Variants in FAH observed in about 807,000 individuals in gnomAD.
FAH encodes the protein fumarylacetoacetate hydrolase.
A neutral mutation model predicts 55.8 loss-of-function variants in FAH; 47 were observed. The observed-to-expected ratio is 0.84, with a 90% CI of 0.67 to 1.07. The LOEUF is 1.07. Ranked by LOEUF, FAH falls within the 50% of genes least tolerant of loss-of-function variation. FAH has a pLI of 0.00. For synonymous variants in FAH, 199 were observed against 207.7 expected, an observed-to-expected ratio of 0.96 and a Z score of 0.36; for missense variants, 495 against 545.9, an observed-to-expected ratio of 0.91 and a Z score of 0.93.
chr15:80,155,714 A>G (rs944029667), intron 1 of FAH, among the ~76,000 whole-genome samples: 1 of 152,074 alleles, frequency 6.6e-6, no homozygotes, highest in African/African-American at 2.4e-5. Flanking sequence ...TGCACACAAG[A>G]CAAGGGGGGC....
chr15:80,170,072 G>T (rs2041227158), intron 7 of FAH, among the ~76,000 whole-genome samples: 1 of 152,198 alleles, frequency 6.6e-6, no homozygotes, highest in Admixed American at 6.5e-5. Flanking sequence ...AATCTGGGCA[G>T]CCCCCAAGGT....
At chr15:80,156,194 T>A (rs572100804) in intron 1 of FAH, 2 of 226,352 alleles carry the variant, frequency 8.8e-6, no homozygotes, top group Admixed American at 5.2e-5. Flanking sequence ...GCGGCCCTTA[T>A]GCGGGTGTGA....
chr15:80,165,053 GAC>G (rs1288270416), intron 5 of FAH, among the ~76,000 whole-genome samples: 3 of 152,106 alleles, frequency 2.0e-5, no homozygotes, highest in Admixed American at 1.3e-4. Context: ...GGTAATACAA[GAC>G]AATTACACAG....
intron 2 of FAH, among the ~76,000 whole-genome samples, chr15:80,158,739 C>T (rs1025299624): frequency 6.6e-6 from 1 of 152,140 alleles, no homozygotes; most frequent in African/African-American, 2.4e-5. Flanking sequence ...CACATCCTCT[C>T]CTTCAATCCT....
At chr15:80,166,634 T>TA (rs2041194040) in intron 5 of FAH, among the ~76,000 whole-genome samples, 1 of 139,158 alleles carries the variant, frequency 7.2e-6, no homozygotes, top group African/African-American at 2.7e-5. Context: ...TTTTGCATTT[T>TA]CTTTTTTTTT....
intron 13 of FAH, among the ~76,000 whole-genome samples, chr15:80,182,493 A>G (rs1272833482): frequency 6.6e-6 from 1 of 152,218 alleles, no homozygotes; most frequent in East Asian, 1.9e-4. Flanking sequence ...GATACCCATT[A>G]TTAATCAATA....
chr15:80,181,226 G>A, intron 13 of FAH, 67 bp downstream of exon 13: 2 of 1,153,600 alleles, frequency 1.7e-6, no homozygotes, highest in South Asian at 2.5e-5. Context: ...TAGCTGCGGG[G>A]CGCTCCTACC....
chr15:80,173,650 A>G (rs2041259507), intron 9 of FAH: 1 of 261,010 alleles, frequency 3.8e-6, no homozygotes, highest in Non-Finnish European at 7.6e-6. Context: ...GCCTGTTGCA[A>G]TCTGCCCCAC....
intron 1 of FAH, among the ~76,000 whole-genome samples, chr15:80,153,532 C>T (rs942745153): frequency 5.9e-5 from 9 of 152,150 alleles, no homozygotes; most frequent in African/African-American, 2.2e-4. Flanking sequence ...TGGTTCATCT[C>T]GCTGGATAGC....
intron 7 of FAH, among the ~76,000 whole-genome samples, chr15:80,170,837 T>G (rs1248352333): frequency 6.6e-6 from 1 of 152,238 alleles, no homozygotes; most frequent in Non-Finnish European, 1.5e-5. Context: ...GACTAAGTTT[T>G]GCAAATGTCA....
intron 1 of FAH, chr15:80,156,605 G>A (rs997439317): frequency 2.6e-5 from 4 of 152,314 alleles, no homozygotes; most frequent in Middle Eastern, 3.4e-3. Context: ...GACAAATGCG[G>A]TCTCCCTCCT....
chr15:80,164,894 G>A (rs113397099), intron 5 of FAH, among the ~76,000 whole-genome samples: 222 of 152,280 alleles, frequency 1.5e-3, no homozygotes, highest in African/African-American at 4.2e-3. Flanking sequence ...ATGACCACAC[G>A]TATGCACGCA....
chr15:80,154,801 C>T (rs970765832), intron 1 of FAH, among the ~76,000 whole-genome samples: 7 of 152,198 alleles, frequency 4.6e-5, no homozygotes, highest in East Asian at 1.9e-4. Flanking sequence ...ACACAGGAGA[C>T]GCCTTCCTTC....
rs771136005 is a variant in FAH at position 80,174,992 on chromosome 15, C to A, written c.838-24C>A. The A allele has an allele frequency of 2.7e-5, 44 of 1,612,168 alleles. No individual in the cohort carries two copies. The Middle Eastern group carries it at 1.2e-3, about 43-fold the overall frequency. On this transcript the variant is annotated intron_variant, in intron 9 of 13. Coordinates refer to ENST00000561421, the MANE Select transcript of FAH (RefSeq NM_000137.4). ...AGCTCAGCCCACCTGCCAGTGACCT[C>A]TGTGCTGTGCTTTGCCCTCTCAGGA...
intron 1 of FAH, among the ~76,000 whole-genome samples, chr15:80,155,319 T>C (rs1278634888): frequency 6.6e-6 from 1 of 152,220 alleles, no homozygotes; most frequent in African/African-American, 2.4e-5. Context: ...GTGGCATGAA[T>C]AGCGTCTACC....
Position 80,174,130 on chromosome 15 carries a change from C to T in FAH, c.838-886C>T, listed in dbSNP as rs1037038992. Among the ~76,000 whole-genome samples the T allele has an allele frequency of 2.0e-4, 30 of 152,224 alleles. 1 individual carries two copies. The highest frequency in any genetic ancestry group is 8.8e-5 in the Non-Finnish European group (6 of 68,034). ...TCGCTGCTCCCTACCACAGCACCCCCTGCCCACCCTGGTCATTTTCAGTCG... is the reference window on the plus strand; with the variant it reads ...TCGCTGCTCCCTACCACAGCACCCCTTGCCCACCCTGGTCATTTTCAGTCG... On this transcript the variant is annotated intron_variant, in intron 9 of 13. Transcript: ENST00000561421.
In FAH at chr15:80,159,829, T is replaced by C; in HGVS notation, c.266T>C (p.Leu89Pro). The change falls in exon 3 of 14, where the codon CTG (leucine) becomes CCG (proline). Residue 89 changes from leucine to proline, a missense_variant. Leu to Pro is a moderately conservative substitution (Grantham distance 98). Coordinates refer to ENST00000561421, the MANE Select transcript of FAH (RefSeq NM_000137.4). ...KEARVFLQNL[L>P]SVSQARLRDD... ...GCGAGAGTGTTCTTGCAGAACTTGCTGTCTGTGAGCCAAGCCAGGCTCAGA... is the reference window on the plus strand; with the variant it reads ...GCGAGAGTGTTCTTGCAGAACTTGCCGTCTGTGAGCCAAGCCAGGCTCAGA... 1 of 1,614,248 alleles carries C rather than the reference T, an allele frequency of 6.2e-7. No homozygotes were observed. The highest frequency in any genetic ancestry group is 8.5e-7 in the Non-Finnish European group (1 of 1,180,040).
At chr15:80,182,118 C>G (rs937102288) in intron 13 of FAH, among the ~76,000 whole-genome samples, 4 of 152,114 alleles carry the variant, frequency 2.6e-5, no homozygotes, top group Non-Finnish European at 4.4e-5. Context: ...CTGGTGGAAG[C>G]CTCTTTGTCT....
At chr15:80,170,933 C>T (rs1334303307) in intron 7 of FAH, among the ~76,000 whole-genome samples, 2 of 152,040 alleles carry the variant, frequency 1.3e-5, no homozygotes, top group African/African-American at 4.8e-5. Flanking sequence ...ATGGACATCA[C>T]GTTGGTGCTG....
Sources: gnomAD v4.1 joint callset for allele counts (sites outside exome capture counted in the v4.1 genomes callset) on GRCh38, gnomAD v4.1.1 for gene constraint, MANE v1.5 for transcripts, NCBI Gene and HGNC (gene_info 2026-07-23, HGNC 2026-07-21) for gene names.